Variants in MRPS35 observed in about 807,000 individuals in gnomAD.
MRPS35 encodes the protein mitochondrial ribosomal protein S35, also known as small ribosomal subunit protein mS35.
In MRPS35, 29 loss-of-function variants were observed where a neutral mutation model predicts 32.7. The ratio of observed to expected loss-of-function variants is 0.89; its 90% confidence interval spans 0.66 to 1.21. The LOEUF (loss-of-function observed/expected upper bound fraction) is 1.21, where lower values mean the gene tolerates loss of function less well. MRPS35 is among the 50% of genes most tolerant of loss of function. MRPS35 has a pLI of 0.00. For missense variants in MRPS35, 373 were observed against 383.8 expected (o/e 0.97, Z 0.23); for synonymous variants, 148 against 139.3 (o/e 1.06, Z -0.44).
At chr12:27,730,386 A>G (rs2061917051) in intron 5 of MRPS35, among the ~76,000 whole-genome samples, 1 of 151,900 alleles carries the variant, frequency 6.6e-6, no homozygotes, top group Non-Finnish European at 1.5e-5. Context: ...GGGGAGAAAA[A>G]CCCCAGAAAT....
chr12:27,712,089 A>G lies in MRPS35; in HGVS notation c.112+1134A>G, dbSNP rs2061828390. On this transcript the variant is annotated intron_variant, in intron 1 of 7. Transcript: ENST00000081029. ...ATTTGGGGGGAGTAGTGGCCACAGG[A>G]TGGTCAGGAAAGATCTTTCTGAGGA... is the stretch of plus-strand genomic sequence containing the variant. Among the ~76,000 whole-genome samples, 3 of 151,956 alleles carry G rather than the reference A, an allele frequency of 2.0e-5. No homozygotes were observed. The South Asian group carries it at 6.2e-4, about 32-fold the overall frequency.
In MRPS35 at chr12:27,724,054, C is replaced by T; in HGVS notation, c.390C>T (p.Cys130=). The part of the protein sequence containing the change: ...KKHCEALKDF[C]TEWPAALDSD... ...TATTTCTTTTATTCTCAGATTTTTG[C>T]ACTGAGTGGCCAGCCGCACTGGACA... Residue 130 remains cysteine, a synonymous_variant, in exon 5 of 8, where the codon TGC becomes TGT. Coordinates refer to ENST00000081029, the MANE Select transcript of MRPS35 (RefSeq NM_021821.4). 6.2e-7 allele frequency: 1 copy of T among 1,600,398 alleles called. No individual in the cohort carries two copies. Among genetic ancestry groups the T allele is most frequent in the South Asian group, 1.1e-5 (1 of 87,822 alleles).
chr12:27,720,906 T>C (rs905053602), intron 4 of MRPS35, among the ~76,000 whole-genome samples: 16 of 152,130 alleles, frequency 1.1e-4, no homozygotes, highest in Non-Finnish European at 2.9e-5. Flanking sequence ...ATTATGTATA[T>C]ATTCCAATTT....
At position 27,749,611 on chromosome 12, in the gene MRPS35, T is replaced by C. The variant is rs371761826; in HGVS notation, c.703-5570T>C. Among the ~76,000 whole-genome samples the C allele has an allele frequency of 9.8e-5, 15 of 152,344 alleles. No individual in the cohort carries two copies. In the South Asian group the frequency reaches 2.3e-3, roughly 23 times the overall value. Reference sequence around the variant, plus strand: ...TAGTGGTGGTGGAATACATGTCATGTACATTTTGAAGCCATTCTGCAGGTT... The same window carrying C: ...TAGTGGTGGTGGAATACATGTCATGCACATTTTGAAGCCATTCTGCAGGTT... On this transcript the variant is annotated intron_variant, in intron 7 of 7. Transcript: ENST00000081029.
At chr12:27,748,562 C>T (rs930755333) in intron 7 of MRPS35, among the ~76,000 whole-genome samples, 6 of 151,642 alleles carry the variant, frequency 4.0e-5, no homozygotes, top group Admixed American at 1.3e-4. Context: ...AATTCTTTGC[C>T]TAAGTGATGA....
intron 4 of MRPS35, among the ~76,000 whole-genome samples, chr12:27,720,873 A>T (rs990208218): frequency 6.6e-6 from 1 of 151,350 alleles, no homozygotes; most frequent in African/African-American, 2.5e-5. Context: ...TTTTTAACTC[A>T]TGGTTCTGTG....
intron 1 of MRPS35, among the ~76,000 whole-genome samples, chr12:27,713,771 C>T (rs980653503): frequency 1.3e-5 from 2 of 152,128 alleles, no homozygotes; most frequent in Non-Finnish European, 2.9e-5. Context: ...ATGTATTCCT[C>T]AATCCAGTCA....
rs2062025458 is a variant in MRPS35, at chr12:27,756,104, G to T, written c.*654G>T. On this transcript the variant is annotated 3_prime_UTR_variant, in exon 8 of 8. Transcript: ENST00000081029. ...GGGTGCCCCAGTTAGAGCTGCCACAGCTCAGGAAAAAGATGAGGCATAACG... is the reference window on the plus strand; with the variant it reads ...GGGTGCCCCAGTTAGAGCTGCCACATCTCAGGAAAAAGATGAGGCATAACG... 1.3e-5 allele frequency: 2 copies of T among 152,228 alleles called. No homozygotes were observed. Among genetic ancestry groups the T allele is most frequent in the Non-Finnish European group, 2.9e-5 (2 of 68,046 alleles). 9.4% of individuals were successfully genotyped at this position (152,228 alleles called of 1,614,324 possible). A position where few individuals can be genotyped will look rare whatever the true frequency, so the allele number is the denominator to read the frequency against.
intron 4 of MRPS35, among the ~76,000 whole-genome samples, chr12:27,720,473 A>T (rs917021036): frequency 7.2e-5 from 11 of 151,988 alleles, no homozygotes; most frequent in African/African-American, 2.7e-4. Context: ...ACAGAGAAGA[A>T]TTATCTTGAA....
chr12:27,755,612 T>G lies in MRPS35; in HGVS notation c.*162T>G. The G allele has an allele frequency of 3.5e-6, 2 of 565,226 alleles. No individual in the cohort carries two copies. The highest frequency in any genetic ancestry group is 5.5e-6 in the Non-Finnish European group (2 of 361,274). 35.0% of individuals were successfully genotyped at this position (565,226 alleles called of 1,614,324 possible). A position where few individuals can be genotyped will look rare whatever the true frequency, so the allele number is the denominator to read the frequency against. ...CTTAATGGCAATGATTACTCCAGAGTTTTTTAATTTTTACACTGGGGCAAT... is the reference window on the plus strand; with the variant it reads ...CTTAATGGCAATGATTACTCCAGAGGTTTTTAATTTTTACACTGGGGCAAT... On this transcript the variant is annotated 3_prime_UTR_variant, in exon 8 of 8. Transcript: ENST00000081029.
At chr12:27,754,765 CAAAAA>C (rs149548847) in intron 7 of MRPS35, among the ~76,000 whole-genome samples, 2 of 103,552 alleles carry the variant, frequency 1.9e-5, no homozygotes, top group African/African-American at 3.8e-5. Flanking sequence ...AGACCCATCT[CAAAAA>C]AAAAAAAAAA....
At chr12:27,727,009 GGAGTGCAGTGGCTC>G (rs2061903468) in intron 5 of MRPS35, among the ~76,000 whole-genome samples, 1 of 134,964 alleles carries the variant, frequency 7.4e-6, no homozygotes. Flanking sequence ...CACCCAGGCT[GGAGTGCAGTGGCTC>G]GATCTCAGCT....
At chr12:27,712,690 C>T (rs552179740) in intron 1 of MRPS35, among the ~76,000 whole-genome samples, 3 of 152,216 alleles carry the variant, frequency 2.0e-5, no homozygotes, top group Non-Finnish European at 4.4e-5. Flanking sequence ...TCCATGTACA[C>T]GAATTGGGAA....
Position 27,716,387 on chromosome 12 carries a change from C to G in MRPS35, c.250C>G (p.Pro84Ala). 1 of 1,614,140 alleles carries G rather than the reference C, an allele frequency of 6.2e-7. No homozygotes were observed. The highest frequency in any genetic ancestry group is 8.5e-7 in the Non-Finnish European group (1 of 1,180,030). ...ATTTAAACCCTCTGCAGTACCTCTT[C>G]CTGTTCGAATGGGTTATCCAGTAAA... The part of the protein sequence containing the change: ...APFKPSAVPL[P>A]VRMGYPVKKG... The change falls in exon 3 of 8, where the codon CCT becomes GCT. Residue 84 changes from proline to alanine, a missense_variant. Coordinates refer to ENST00000081029, the MANE Select transcript of MRPS35 (RefSeq NM_021821.4).
intron 7 of MRPS35, among the ~76,000 whole-genome samples, chr12:27,749,353 C>T (rs1389130012): frequency 6.6e-6 from 1 of 151,952 alleles, no homozygotes; most frequent in Non-Finnish European, 1.5e-5. Flanking sequence ...TTTTAAGTCA[C>T]ATATACATAA....
intron 5 of MRPS35, among the ~76,000 whole-genome samples, chr12:27,734,243 T>A (rs1340535181): frequency 4.7e-5 from 4 of 85,892 alleles, no homozygotes; most frequent in African/African-American, 7.2e-5. Flanking sequence ...ACCTATCTTC[T>A]TTTTTTTTTT....
chr12:27,719,726 T>G, intron 3 of MRPS35, 82 bp from the exon 4 acceptor site: 13 of 813,228 alleles, frequency 1.6e-5, no homozygotes, highest in Non-Finnish European at 2.4e-5. Context: ...ATTGGGCCTG[T>G]GATTTAGTTT....
chr12:27,739,865 C>T (rs1252813188), intron 7 of MRPS35, among the ~76,000 whole-genome samples: 4 of 152,172 alleles, frequency 2.6e-5, no homozygotes, highest in Non-Finnish European at 5.9e-5. Context: ...TCTGTGGTTC[C>T]GTGACTTAGA....
chr12:27,746,782 C>CCT (rs1214726052), intron 7 of MRPS35, among the ~76,000 whole-genome samples: 1 of 152,168 alleles, frequency 6.6e-6, no homozygotes, highest in African/African-American at 2.4e-5. Flanking sequence ...AGTTTTCTTC[C>CCT]CTCTCTCCTG....
Sources: gnomAD v4.1 joint callset for allele counts (sites outside exome capture counted in the v4.1 genomes callset) on GRCh38, gnomAD v4.1.1 for gene constraint, MANE v1.5 for transcripts, NCBI Gene and HGNC (gene_info 2026-07-23, HGNC 2026-07-21) for gene names.